NCLN: variants seen among roughly 807,000 people sequenced by gnomAD.
NCLN encodes the protein BOS complex subunit NCLN.
NCLN carries 34 observed loss-of-function variants against 69.5 expected under a neutral mutation model. The ratio of observed to expected loss-of-function variants is 0.49; its 90% CI spans 0.37 to 0.65. The LOEUF (loss-of-function observed/expected upper bound fraction) is 0.65, where lower values mean the gene tolerates loss of function less well. Among genes scored for constraint, NCLN ranks in the 30% least tolerant of loss-of-function variants. NCLN has a pLI of 0.00. For missense variants in NCLN, 710 were observed against 804.8 expected, an observed-to-expected ratio of 0.88 and a Z score of 1.42; for synonymous variants, 393 against 358.3, an observed-to-expected ratio of 1.10 and a Z score of -1.09.
At position 3,205,867 on chromosome 19, in the gene NCLN, G is replaced by T; in HGVS notation, c.1209-72G>T. The T allele has an allele frequency of 7.3e-7, 1 of 1,376,908 alleles. No homozygotes were observed. The highest frequency in any genetic ancestry group is 1.0e-6 in the Non-Finnish European group (1 of 967,314). 85.3% of individuals were successfully genotyped at this position (1,376,908 alleles called of 1,614,324 possible). A position where few individuals can be genotyped will look rare whatever the true frequency, so the allele number is the denominator to read the frequency against. ...ACGGTCTCCTAGGCTGGAGTGCTGGGATTACAAGTGTGAGAGCTACCTTGC... is the reference window on the plus strand; with the variant it reads ...ACGGTCTCCTAGGCTGGAGTGCTGGTATTACAAGTGTGAGAGCTACCTTGC... On this transcript the variant is annotated intron_variant, in intron 9 of 14. Coordinates refer to ENST00000246117, the MANE Select transcript of NCLN (RefSeq NM_020170.4). The surrounding 1 kb of genome is among the most constrained non-coding windows in gnomAD (Gnocchi z 4.6).
At position 3,201,598 on chromosome 19, in the gene NCLN, C is replaced by G; in HGVS notation, c.772C>G (p.Leu258Val). 6.4e-7 allele frequency: 1 copy of G among 1,554,052 alleles called. No homozygotes were observed. The highest frequency in any genetic ancestry group is 8.6e-7 in the Non-Finnish European group (1 of 1,157,350). ...LLELARLFSR[L>V]YTYKRTHAAY... ...GGAGCTGGCACGCCTCTTCTCCCGG[C>G]TCTACACCTACAAGCGCACGCACGC... The change falls in exon 6 of 15, where the codon CTC (leucine) becomes GTC (valine). Residue 258 changes from leucine to valine, a missense_variant. Leu to Val is a conservative substitution (Grantham distance 32). Coordinates refer to ENST00000246117, the MANE Select transcript of NCLN (RefSeq NM_020170.4).
At chr19:3,207,351 C>G in intron 13 of NCLN, 40 bp from the exon 14 acceptor site, 1 of 1,612,596 alleles carries the variant, frequency 6.2e-7, no homozygotes, top group Non-Finnish European at 8.5e-7. Context: ...GTTACTGCCG[C>G]GCACCATCCT....
intron 3 of NCLN, among the ~76,000 whole-genome samples, chr19:3,194,029 G>A (rs1323667626): frequency 6.6e-6 from 1 of 152,218 alleles, no homozygotes; most frequent in Non-Finnish European, 1.5e-5. Flanking sequence ...TACTGGGGGA[G>A]CAGGGCTGAG....
intron 1 of NCLN, among the ~76,000 whole-genome samples, chr19:3,187,365 C>A (rs934257227): frequency 6.6e-6 from 1 of 152,160 alleles, no homozygotes; most frequent in Non-Finnish European, 1.5e-5. Context: ...GCCTGGCCTT[C>A]CCTGTGAAGG....
intron 4 of NCLN, among the ~76,000 whole-genome samples, chr19:3,196,565 C>T (rs1915962598): frequency 6.6e-6 from 1 of 152,120 alleles, no homozygotes; most frequent in Non-Finnish European, 1.5e-5. Context: ...TGCCTCCCAC[C>T]CCAGGGCCTT....
In NCLN at chr19:3,204,813, C is replaced by A; in HGVS notation, c.1208+62C>A. On this transcript the variant is annotated intron_variant, in intron 9 of 14. Transcript: ENST00000246117. ...CTTTCCTGGGGGCTGAGCCACTGGT[C>A]GCAACTGCAGAGGCCATGAGAGCCT... 2.9e-6 allele frequency: 4 copies of A among 1,370,156 alleles called. No homozygotes were observed. The South Asian group carries it at 5.0e-5, about 17-fold the overall frequency. 84.9% of individuals were successfully genotyped at this position (1,370,156 alleles called of 1,614,324 possible).
chr19:3,202,664 G>A (rs1324422453), intron 6 of NCLN, among the ~76,000 whole-genome samples: 1 of 152,128 alleles, frequency 6.6e-6, no homozygotes, highest in African/African-American at 2.4e-5. Flanking sequence ...ACTTGGACTC[G>A]AACTCCTGGC....
In NCLN at chr19:3,205,827, T is replaced by TA; in HGVS notation, c.1209-109dup. ...GCTAAGCTTAATTTTTTTTTTTTTTTAAAGACAGAGTCTCACGGTCTCCTA... is the reference window on the plus strand; with the variant it reads ...GCTAAGCTTAATTTTTTTTTTTTTTTAAAAGACAGAGTCTCACGGTCTCCTA... On this transcript the variant is annotated intron_variant, in intron 9 of 14. Coordinates refer to ENST00000246117, the MANE Select transcript of NCLN (RefSeq NM_020170.4). This position sits in a 1 kb window ranked among gnomAD's most constrained non-coding sequence, Gnocchi z 4.6. 2.2e-6 allele frequency: 2 copies of TA among 924,814 alleles called. No homozygotes were observed. Among genetic ancestry groups the TA allele is most frequent in the African/African-American group, 1.7e-5 (1 of 59,906 alleles). 57.3% of individuals were successfully genotyped at this position (924,814 alleles called of 1,614,324 possible).
rs1916040023 is a variant in NCLN, at chr19:3,198,738, G to T, written c.616-79G>T. The T allele has an allele frequency of 9.0e-6, 11 of 1,217,006 alleles. No individual in the cohort carries two copies. The South Asian group carries it at 1.5e-4, about 17-fold the overall frequency. 75.4% of individuals were successfully genotyped at this position (1,217,006 alleles called of 1,614,324 possible). A position where few individuals can be genotyped will look rare whatever the true frequency, so the allele number is the denominator to read the frequency against. On this transcript the variant is annotated intron_variant, in intron 4 of 14. Coordinates refer to ENST00000246117, the MANE Select transcript of NCLN (RefSeq NM_020170.4). ...GCGGACGGGCCCCACGTGGCCCAGA[G>T]GGGAGGGGTCTCCAAGCCCCACACA... is the stretch of plus-strand genomic sequence containing the variant.
chr19:3,207,511 C>T (rs200142520), intron 14 of NCLN, 42 bp downstream of exon 14: 124 of 1,610,160 alleles, frequency 7.7e-5, no homozygotes, highest in South Asian at 4.1e-4. Flanking sequence ...GGCCGCCCGC[C>T]GGGAGGAGCT....
intron 3 of NCLN, 32 bp from the exon 4 acceptor site, chr19:3,196,151 C>T (rs1359432468): frequency 4.7e-6 from 7 of 1,500,028 alleles, no homozygotes; most frequent in East Asian, 5.0e-5. Flanking sequence ...CCTGGCTGGG[C>T]CAAGGCTGAT....
intron 2 of NCLN, among the ~76,000 whole-genome samples, 174 bp from the exon 3 acceptor site, chr19:3,193,110 C>G (rs914575999): frequency 6.7e-6 from 1 of 149,756 alleles, no homozygotes; most frequent in Non-Finnish European, 1.5e-5. Context: ...TGGTTCATGC[C>G]GCCCTCTGAG....
intron 5 of NCLN, among the ~76,000 whole-genome samples, chr19:3,200,916 C>A (rs1405011212): frequency 6.6e-6 from 1 of 152,118 alleles, no homozygotes; most frequent in Non-Finnish European, 1.5e-5. Context: ...TGTTTATTGT[C>A]CCCCTGAATT....
chr19:3,206,160 C>G lies in NCLN; in HGVS notation c.1305C>G (p.Pro435=), dbSNP rs1599360081. 1 of 1,518,808 alleles carries G rather than the reference C, an allele frequency of 6.6e-7. No individual in the cohort carries two copies. The highest frequency in any genetic ancestry group is 1.3e-5 in the South Asian group (1 of 78,186). The allele number at this position is 1,518,808 out of a possible 1,614,324, so 94.1% of individuals were successfully genotyped here. Residue 435 remains proline (P), a synonymous_variant, in exon 11 of 15, where the codon CCC becomes CCG. Transcript: ENST00000246117. ...CCCTCCTCTCTCCGCAGGGGACACC[C>G]CCAGACATGCCGGTGTTCACAGAGC... is the stretch of plus-strand genomic sequence containing the variant. ...VIYNLTEKGT[P]PDMPVFTEQM...
rs570426727 is a variant in NCLN at position 3,196,313 on chromosome 19, C to A, written c.615+36C>A. 311 of 1,447,618 alleles carry A rather than the reference C, an allele frequency of 2.1e-4. 8 individuals carry two copies. The South Asian group carries it at 3.7e-3, about 17-fold the overall frequency. The allele number at this position is 1,447,618 out of a possible 1,614,324, so 89.7% of individuals were successfully genotyped here. A position where few individuals can be genotyped will look rare whatever the true frequency, so the allele number is the denominator to read the frequency against. ...CCTGCCCCGGAGCCAGCCCCACGTC[C>A]CCAGGGGTTCCTGCCATCCGCCTGG... On this transcript the variant is annotated intron_variant, in intron 4 of 14. Transcript: ENST00000246117.
chr19:3,196,504 C>A (rs1333907546), intron 4 of NCLN, among the ~76,000 whole-genome samples: 1 of 152,142 alleles, frequency 6.6e-6, no homozygotes, highest in African/African-American at 2.4e-5. Context: ...CCCCTGCCAG[C>A]CCCCGGCCCA....
intron 5 of NCLN, 67 bp from the exon 6 acceptor site, chr19:3,201,456 G>C: frequency 8.7e-7 from 1 of 1,155,076 alleles, no homozygotes. Flanking sequence ...GGCTGCTGTG[G>C]GCGGAGGTCA....
intron 5 of NCLN, among the ~76,000 whole-genome samples, chr19:3,200,590 G>A (rs1003514268): frequency 2.0e-5 from 3 of 151,712 alleles, no homozygotes; most frequent in East Asian, 1.9e-4. Context: ...GATTACAGGC[G>A]TGAGCCACCG....
chr19:3,205,774 G>T lies in NCLN; in HGVS notation c.1209-165G>T, dbSNP rs1599359769. 1.5e-6 allele frequency: 1 copy of T among 669,658 alleles called. No individual in the cohort carries two copies. The highest frequency in any genetic ancestry group is 2.7e-5 in the East Asian group (1 of 36,536). 41.5% of individuals were successfully genotyped at this position (669,658 alleles called of 1,614,324 possible). On this transcript the variant is annotated intron_variant, in intron 9 of 14. Coordinates refer to ENST00000246117, the MANE Select transcript of NCLN (RefSeq NM_020170.4). This position sits in a 1 kb window ranked among gnomAD's most constrained non-coding sequence, Gnocchi z 4.6. The stretch of plus-strand genomic sequence containing the variant: ...GAGGTGTGGGGCCCCCAGTGAATCT[G>T]CATCTACATGTTAGCCAAGTAGTTA...
Sources: gnomAD v4.1 joint callset for allele counts (sites outside exome capture counted in the v4.1 genomes callset) on GRCh38, gnomAD v4.1.1 for gene constraint, Gnocchi (gnomAD v3.1) non-coding constraint, MANE v1.5 for transcripts, NCBI Gene and HGNC (gene_info 2026-07-23, HGNC 2026-07-21) for gene names.